The following PIWIL3 variants were observed in gnomAD, a reference collection of about 807,000 sequenced individuals.
The protein encoded by PIWIL3 is piwi like RNA-mediated gene silencing 3, also known as piwi-like protein 3.
Under a neutral mutation model 109.7 loss-of-function variants are expected in PIWIL3, and 101 were observed. The ratio of observed to expected loss-of-function variants is 0.92; its 90% CI spans 0.78 to 1.09. The LOEUF is 1.09. Among genes scored for constraint, PIWIL3 ranks in the 50% least tolerant of loss-of-function variants. The probability of loss-of-function intolerance (pLI) is 0.00; values close to 1 mark genes in which losing one functional copy is unlikely to be tolerated. For synonymous variants in PIWIL3, 373 were observed against 376.4 expected, an observed-to-expected ratio of 0.99 and a Z score of 0.10; for missense variants, 1,031 against 1,072.6, an observed-to-expected ratio of 0.96 and a Z score of 0.54.
At chr22:24,734,517 A>G (rs562868250) in intron 13 of PIWIL3, among the ~76,000 whole-genome samples, 2 of 152,290 alleles carry the variant, frequency 1.3e-5, no homozygotes, top group South Asian at 4.1e-4. Flanking sequence ...AGACTCTGGA[A>G]ACTTCCCAGG....
intron 1 of PIWIL3, among the ~76,000 whole-genome samples, chr22:24,769,323 A>G (rs954437353): frequency 2.2e-4 from 34 of 152,262 alleles, no homozygotes; most frequent in African/African-American, 7.5e-4. Context: ...CATAAAATAC[A>G]CTAACACGGC....
At chr22:24,757,843 GAAA>G (rs61691049) in intron 4 of PIWIL3, 62 bp downstream of exon 4, 31,377 of 1,302,210 alleles carry the variant, frequency 0.024, 6 homozygotes, top group East Asian at 0.058. Flanking sequence ...GTCTCTCAAT[GAAA>G]AAAAAAAAAA....
intron 12 of PIWIL3, among the ~76,000 whole-genome samples, chr22:24,746,326 ATCATT>A (rs112508747): frequency 6.0e-4 from 92 of 152,338 alleles, no homozygotes; most frequent in African/African-American, 2.1e-3. Flanking sequence ...AACTCATATG[ATCATT>A]TCAACTGATG....
intron 14 of PIWIL3, among the ~76,000 whole-genome samples, chr22:24,731,542 T>C (rs1923349526): frequency 6.6e-6 from 1 of 151,950 alleles, no homozygotes; most frequent in African/African-American, 2.4e-5. Context: ...TCCCAGCTAC[T>C]TGGGAGGCTG....
At chr22:24,729,284 C>T (rs567131010) in intron 14 of PIWIL3, among the ~76,000 whole-genome samples, 193 of 152,246 alleles carry the variant, frequency 1.3e-3, no homozygotes, top group South Asian at 8.1e-3. Flanking sequence ...TCCAACCTTA[C>T]TCTTGGTGTC....
intron 8 of PIWIL3, 152 bp from the exon 9 acceptor site, chr22:24,751,650 G>A (rs2147699444): frequency 7.5e-7 from 1 of 1,325,950 alleles, no homozygotes; most frequent in South Asian, 1.6e-5. Flanking sequence ...TCACCCATCT[G>A]AGCATACGAT....
At chr22:24,760,340 C>A (rs1407792402) in intron 2 of PIWIL3, among the ~76,000 whole-genome samples, 2 of 152,070 alleles carry the variant, frequency 1.3e-5, no homozygotes, top group Non-Finnish European at 2.9e-5. Flanking sequence ...TTACCCAAGC[C>A]AGCAGTGGAA....
At chr22:24,742,402 A>G (rs895388022) in intron 12 of PIWIL3, among the ~76,000 whole-genome samples, 2 of 152,144 alleles carry the variant, frequency 1.3e-5, no homozygotes, top group Admixed American at 1.3e-4. Flanking sequence ...AAATCAAAAA[A>G]ATCCTAGATT....
Position 24,755,798 on chromosome 22 carries a change from G to C in PIWIL3, c.678C>G (p.Asn226Lys). The C allele has an allele frequency of 6.2e-7, 1 of 1,613,978 alleles. No individual in the cohort carries two copies. The highest frequency in any genetic ancestry group is 1.1e-5 in the South Asian group (1 of 91,078). Residue 226 changes from asparagine to lysine, a missense_variant, in exon 6 of 21, where the codon AAC (asparagine) becomes AAG (lysine). Coordinates refer to ENST00000616349, the MANE Select transcript of PIWIL3 (RefSeq NM_001255975.1). Reference sequence around the variant, plus strand: ...CGGTAACATACCTTCTAAAGAGAATGTTGTAATAGCGTAGGCAATCTGGCG... The same window carrying C: ...CGGTAACATACCTTCTAAAGAGAATCTTGTAATAGCGTAGGCAATCTGGCG... The part of the protein sequence containing the change: ...PTSPDCLRYY[N>K]ILFRRTFKLL...
intron 5 of PIWIL3, among the ~76,000 whole-genome samples, chr22:24,756,215 A>G (rs1343326188): frequency 6.7e-6 from 1 of 149,800 alleles, no homozygotes; most frequent in Non-Finnish European, 1.5e-5. Context: ...TGAAGTTTCA[A>G]AGGAAACAAA....
intron 6 of PIWIL3, 25 bp from the exon 7 acceptor site, chr22:24,754,889 G>A (rs752221922): frequency 5.0e-6 from 8 of 1,588,886 alleles, no homozygotes; most frequent in Admixed American, 1.7e-5. Flanking sequence ...AATAGATTTT[G>A]TTGAAAGTAC....
intron 1 of PIWIL3, among the ~76,000 whole-genome samples, chr22:24,764,999 C>T (rs1925704678): frequency 6.6e-6 from 1 of 152,210 alleles, no homozygotes; most frequent in South Asian, 2.1e-4. Context: ...AAAAGATAAA[C>T]CTGGAGATAA....
intron 9 of PIWIL3, 24 bp from the exon 10 acceptor site, chr22:24,749,843 C>T (rs1924598890): frequency 1.2e-6 from 2 of 1,613,886 alleles, no homozygotes; most frequent in African/African-American, 2.7e-5. Flanking sequence ...AAGAGACCAG[C>T]ATGACCATCA....
chr22:24,757,079 C>CAAAAAAAAAAAAAAAAAAAAAA (rs71189275), intron 4 of PIWIL3, among the ~76,000 whole-genome samples: 27 of 91,722 alleles, frequency 2.9e-4, no homozygotes, highest in South Asian at 3.9e-4. Context: ...AACTCCGTCT[C>CAAAAAAAAAAAAAAAAAAAAAA]AAAAAAAAAA....
chr22:24,725,560 A>C (rs772799695), intron 16 of PIWIL3, 45 bp from the exon 17 acceptor site: 92 of 1,599,304 alleles, frequency 5.8e-5, no homozygotes, highest in Non-Finnish European at 7.1e-5. Flanking sequence ...GATTCTTAAA[A>C]TCTCATTTGA....
chr22:24,739,854 T>A (rs1229577408), intron 12 of PIWIL3, among the ~76,000 whole-genome samples: 12 of 151,868 alleles, frequency 7.9e-5, no homozygotes, highest in Admixed American at 6.6e-4. Context: ...ATCGAGACCA[T>A]CCTGGCTAAC....
At chr22:24,771,488 A>G (rs565576581) in intron 1 of PIWIL3, among the ~76,000 whole-genome samples, 11 of 151,796 alleles carry the variant, frequency 7.2e-5, no homozygotes, top group African/African-American at 2.7e-4. Flanking sequence ...AAAAAAAAAA[A>G]AAAAAAGAAA....
At chr22:24,750,482 A>ATTTTTTTTTTTTTTTTTTTTTTTTT (rs1241174453) in intron 9 of PIWIL3, among the ~76,000 whole-genome samples, 1 of 114,296 alleles carries the variant, frequency 8.7e-6, no homozygotes. Context: ...ACCACATTTG[A>ATTTTTTTTTTTTTTTTTTTTTTTTT]TTTTTTTTCT....
chr22:24,737,403 A>C (rs562226449), intron 12 of PIWIL3, among the ~76,000 whole-genome samples: 2 of 152,264 alleles, frequency 1.3e-5, no homozygotes, highest in Admixed American at 1.3e-4. Context: ...TCACCTACTG[A>C]CTAAAGAGCC....
Sources: allele counts gnomAD v4.1 joint callset (sites outside exome capture counted in the v4.1 genomes callset), GRCh38; gene constraint gnomAD v4.1.1; transcripts MANE v1.5; gene names NCBI Gene and HGNC (gene_info 2026-07-23, HGNC 2026-07-21).